SOX6: variants seen among roughly 807,000 people sequenced by gnomAD.
SOX6 encodes the protein SRY-box transcription factor 6.
SOX6 carries 11 observed loss-of-function variants against 97.8 expected under a neutral mutation model. The ratio of observed to expected loss-of-function variants is 0.11; its 90% CI spans 0.07 to 0.19. SOX6 has a LOEUF of 0.19. SOX6 is among the 10% of genes least tolerant of loss of function. The probability of loss-of-function intolerance (pLI) is 1.00; values close to 1 mark genes in which losing one functional copy is unlikely to be tolerated. For synonymous variants in SOX6, 360 were observed against 371.4 expected (o/e 0.97, Z 0.35); for missense variants, 810 against 1,039.5 (o/e 0.78, Z 3.04).
At chr11:16,112,040 T>C in intron 6 of SOX6, 117 bp from the exon 7 acceptor site, 5 of 1,271,536 alleles carry the variant, frequency 3.9e-6, no homozygotes, top group Non-Finnish European at 5.6e-6. Flanking sequence ...TCTAACCTCA[T>C]TCCAAATCTG....
At chr11:16,724,105 A>G (rs1292402096) in intron 2 of SOX6, among the ~76,000 whole-genome samples, 1 of 152,236 alleles carries the variant, frequency 6.6e-6, no homozygotes, top group Non-Finnish European at 1.5e-5. Flanking sequence ...ACACAAGCAC[A>G]TTGAGGGAAT....
chr11:16,079,676 TCTTA>T (rs1831851633), intron 9 of SOX6, among the ~76,000 whole-genome samples: 1 of 152,168 alleles, frequency 6.6e-6, no homozygotes, highest in African/African-American at 2.4e-5. Flanking sequence ...AATATCGTCT[TCTTA>T]CTTTCTTCTT....
At chr11:16,344,433 C>A (rs1026100344) in intron 1 of SOX6, among the ~76,000 whole-genome samples, 2 of 151,868 alleles carry the variant, frequency 1.3e-5, no homozygotes, top group African/African-American at 4.8e-5. Flanking sequence ...TAGCTTTCCC[C>A]TTTAAAACAT....
chr11:16,374,931 T>C (rs562065300), intron 1 of SOX6, among the ~76,000 whole-genome samples: 58 of 152,088 alleles, frequency 3.8e-4, no homozygotes, highest in Non-Finnish European at 7.4e-4. Flanking sequence ...GACATTTCTA[T>C]ATTTTCTATC....
chr11:16,396,624 TACA>T (rs1225723776), intron 1 of SOX6, among the ~76,000 whole-genome samples: 6 of 151,756 alleles, frequency 4.0e-5, no homozygotes, highest in Admixed American at 2.0e-4. Context: ...TTCTCCTAAG[TACA>T]ACAATAGTAT....
intron 4 of SOX6, among the ~76,000 whole-genome samples, chr11:16,549,360 G>A (rs1847656405): frequency 2.1e-5 from 3 of 143,262 alleles, no homozygotes; most frequent in South Asian, 2.7e-4. Flanking sequence ...GTAGAGACGG[G>A]GTTTCTCCAT....
intron 4 of SOX6, among the ~76,000 whole-genome samples, chr11:16,563,114 T>C: frequency 6.6e-6 from 1 of 151,948 alleles, no homozygotes; most frequent in Non-Finnish European, 1.5e-5. Context: ...TAGAATAATC[T>C]GACAAACATT....
intron 4 of SOX6, among the ~76,000 whole-genome samples, chr11:16,545,314 CA>C (rs1446223429): frequency 7.1e-6 from 1 of 141,400 alleles, no homozygotes; most frequent in African/African-American, 2.6e-5. Flanking sequence ...CCCATGGATC[CA>C]AAAACTTTAA....
rs137993759 is a variant in SOX6, at chr11:16,000,221, A to C, written c.1733-10991T>G. ...AAAAAAAAAGAAAAAGGATTTGGCT[A>C]TCCTAGTGGTTTGTTTGGCAGGCAA... is the stretch of plus-strand genomic sequence containing the variant. On this transcript the variant is annotated intron_variant, in intron 13 of 15. Transcript: ENST00000683767. 4.6e-5 allele frequency among the ~76,000 whole-genome samples: 7 copies of C among 152,354 alleles called. No homozygotes were observed. The South Asian group carries it at 6.2e-4, about 14-fold the overall frequency.
intron 4 of SOX6, among the ~76,000 whole-genome samples, chr11:16,555,505 C>G (rs1847740222): frequency 6.6e-6 from 1 of 151,462 alleles, no homozygotes; most frequent in African/African-American, 2.4e-5. Context: ...TACCTGTATA[C>G]AATGTGTAAT....
At chr11:16,252,146 A>G (rs957675836) in intron 3 of SOX6, among the ~76,000 whole-genome samples, 7 of 152,208 alleles carry the variant, frequency 4.6e-5, no homozygotes, top group Non-Finnish European at 1.0e-4. Flanking sequence ...TGGTGATCTT[A>G]GAGAAATAAG....
At chr11:16,108,817 C>G (rs1849159421) in intron 7 of SOX6, among the ~76,000 whole-genome samples, 1 of 152,106 alleles carries the variant, frequency 6.6e-6, no homozygotes, top group Non-Finnish European at 1.5e-5. Context: ...CCCAGAGGCA[C>G]AGGTCAAATC....
At chr11:16,493,104 T>C (rs1215145235) in intron 4 of SOX6, among the ~76,000 whole-genome samples, 1 of 152,158 alleles carries the variant, frequency 6.6e-6, no homozygotes, top group East Asian at 1.9e-4. Flanking sequence ...AAATTCTACT[T>C]CTAAGAATTT....
chr11:16,419,540 A>G (rs1858988418), intron 1 of SOX6, among the ~76,000 whole-genome samples: 3 of 151,952 alleles, frequency 2.0e-5, no homozygotes, highest in Admixed American at 6.6e-5. Flanking sequence ...TAAAAATAAA[A>G]AAAAATGCAA....
At chr11:16,522,059 G>C (rs1861074713) in intron 4 of SOX6, among the ~76,000 whole-genome samples, 1 of 152,172 alleles carries the variant, frequency 6.6e-6, no homozygotes. Context: ...ACACTCTGCA[G>C]GATATTATCC....
intron 1 of SOX6, among the ~76,000 whole-genome samples, chr11:16,419,625 A>T (rs1008735039): frequency 6.6e-6 from 1 of 152,190 alleles, no homozygotes; most frequent in East Asian, 1.9e-4. Context: ...CAAATACCTG[A>T]CTTCTAGATA....
chr11:16,315,145 C>A (rs1339753243), intron 3 of SOX6: 2 of 152,118 alleles, frequency 1.3e-5, no homozygotes, highest in East Asian at 3.9e-4. Flanking sequence ...ACCATGTTGG[C>A]CAGGATGGTC....
chr11:16,020,674 A>G (rs746220779), intron 12 of SOX6, among the ~76,000 whole-genome samples: 4 of 152,114 alleles, frequency 2.6e-5, no homozygotes, highest in Admixed American at 1.3e-4. Flanking sequence ...CATGAACTCT[A>G]TAAACTCTCT....
intron 3 of SOX6, 105 bp from the exon 4 acceptor site, chr11:16,234,776 T>C: frequency 3.3e-6 from 2 of 607,588 alleles, no homozygotes; most frequent in South Asian, 4.5e-5. Context: ...GCTGTTTTTG[T>C]TGCTGTAGCT....
Sources: allele counts gnomAD v4.1 joint callset (sites outside exome capture counted in the v4.1 genomes callset), GRCh38; gene constraint gnomAD v4.1.1; transcripts MANE v1.5; gene names NCBI Gene and HGNC (gene_info 2026-07-23, HGNC 2026-07-21).